Variants in SLC35F3 observed in about 807,000 individuals in gnomAD.
SLC35F3 encodes the protein solute carrier family 35 member F3.
Under a neutral mutation model 49.9 loss-of-function variants are expected in SLC35F3, and 25 were observed. That is an observed-to-expected ratio of 0.50 (90% confidence interval 0.37 to 0.70). The LOEUF (loss-of-function observed/expected upper bound fraction) is 0.70, where lower values mean the gene tolerates loss of function less well. Ranked by LOEUF, SLC35F3 falls within the 30% of genes least tolerant of loss-of-function variation. The pLI is 0.00. For missense variants in SLC35F3, 525 were observed against 639.8 expected, an observed-to-expected ratio of 0.82 and a Z score of 1.94; for synonymous variants, 275 against 265.4, an observed-to-expected ratio of 1.04 and a Z score of -0.35.
At chr1:234,017,506 G>C (rs1663820831) in intron 2 of SLC35F3, among the ~76,000 whole-genome samples, 1 of 151,866 alleles carries the variant, frequency 6.6e-6, no homozygotes, top group Non-Finnish European at 1.5e-5. Context: ...GAGGTCAGGA[G>C]ATCGAAACCA....
chr1:233,954,889 C>T (rs578218116), intron 2 of SLC35F3, among the ~76,000 whole-genome samples: 1 of 152,218 alleles, frequency 6.6e-6, no homozygotes, highest in Non-Finnish European at 1.5e-5. Context: ...TGTTGCCCAG[C>T]CTGGAGTGCA....
At chr1:234,316,559 C>T (rs763248092) in intron 4 of SLC35F3, 43 bp from the exon 5 acceptor site, 3 of 1,578,638 alleles carry the variant, frequency 1.9e-6, no homozygotes, top group Non-Finnish European at 2.6e-6. Context: ...CCCTCTGACT[C>T]CGTCCCGACT....
intron 2 of SLC35F3, among the ~76,000 whole-genome samples, chr1:234,077,847 C>A (rs1664819627): frequency 1.3e-5 from 2 of 151,856 alleles, no homozygotes; most frequent in African/African-American, 4.9e-5. Context: ...CAGTTGTGTG[C>A]CTCTTCTCTG....
chr1:233,955,924 C>G (rs1303189880), intron 2 of SLC35F3, among the ~76,000 whole-genome samples: 1 of 113,604 alleles, frequency 8.8e-6, no homozygotes, highest in Admixed American at 1.3e-4. Flanking sequence ...GTCTCGCTCT[C>G]TTGCCCAGGC....
intron 2 of SLC35F3, among the ~76,000 whole-genome samples, chr1:234,040,900 CAACCAG>C (rs1311796995): frequency 6.6e-6 from 1 of 152,206 alleles, no homozygotes; most frequent in Non-Finnish European, 1.5e-5. Flanking sequence ...GTTATTAATT[CAACCAG>C]ACTCTGCAGC....
intron 3 of SLC35F3, among the ~76,000 whole-genome samples, chr1:234,275,848 C>G (rs1668201621): frequency 6.6e-6 from 1 of 151,540 alleles, no homozygotes; most frequent in African/African-American, 2.4e-5. Context: ...GTGCCAGGTA[C>G]TATTCTAAGC....
chr1:234,083,890 T>A (rs1249739281), intron 2 of SLC35F3, among the ~76,000 whole-genome samples: 1 of 150,092 alleles, frequency 6.7e-6, no homozygotes, highest in Non-Finnish European at 1.5e-5. Flanking sequence ...CAGGCTGGAG[T>A]GCAATGGCGT....
intron 3 of SLC35F3, among the ~76,000 whole-genome samples, chr1:234,247,035 C>T (rs1667642885): frequency 6.6e-6 from 1 of 152,176 alleles, no homozygotes; most frequent in South Asian, 2.1e-4. Flanking sequence ...ACCCAGTTAC[C>T]AGTTCATGGG....
intron 3 of SLC35F3, among the ~76,000 whole-genome samples, chr1:234,308,289 A>T (rs1558106102): frequency 6.6e-6 from 1 of 152,204 alleles, no homozygotes; most frequent in Non-Finnish European, 1.5e-5. Context: ...CTGATCACAA[A>T]GATAATTCCA....
intron 2 of SLC35F3, among the ~76,000 whole-genome samples, chr1:234,002,253 T>G (rs1004657515): frequency 6.6e-6 from 1 of 152,214 alleles, no homozygotes; most frequent in African/African-American, 2.4e-5. Context: ...GGAACCAGTA[T>G]AGATGCACTA....
At chr1:234,193,937 C>CA (rs1363732636) in intron 2 of SLC35F3, among the ~76,000 whole-genome samples, 1 of 151,954 alleles carries the variant, frequency 6.6e-6, no homozygotes, top group African/African-American at 2.4e-5. Flanking sequence ...ATCATAAAAG[C>CA]AAAAAATAAT....
At chr1:234,159,231 C>A (rs1032615296) in intron 2 of SLC35F3, among the ~76,000 whole-genome samples, 4 of 152,114 alleles carry the variant, frequency 2.6e-5, no homozygotes, top group African/African-American at 7.2e-5. Flanking sequence ...AAGAAACTAA[C>A]CCTTGCCAAG....
intron 3 of SLC35F3, among the ~76,000 whole-genome samples, chr1:234,304,942 A>T (rs1657110908): frequency 6.6e-6 from 1 of 152,212 alleles, no homozygotes; most frequent in Admixed American, 6.5e-5. Context: ...TAAAAGAAGC[A>T]CCAGAAAAAC....
chr1:234,029,811 G>A (rs1432920024), intron 2 of SLC35F3, among the ~76,000 whole-genome samples: 5 of 152,008 alleles, frequency 3.3e-5, no homozygotes, highest in Non-Finnish European at 4.4e-5. Context: ...GCTGTGAGCC[G>A]TGATCATGCC....
At chr1:234,279,794 T>G (rs554795798) in intron 3 of SLC35F3, among the ~76,000 whole-genome samples, 2 of 152,170 alleles carry the variant, frequency 1.3e-5, no homozygotes, top group African/African-American at 4.8e-5. Context: ...AAACTAAAAA[T>G]GCTAATTTGT....
rs772117018 is a variant in SLC35F3 at position 234,323,275 on chromosome 1, T to C, written c.*32T>C. ...TCCTCTAGAACTCGGTGGTAATGAC[T>C]GGGAGGTCTATTCCTGCCGGGAGGA... On this transcript the variant is annotated 3_prime_UTR_variant, in exon 8 of 8. Transcript: ENST00000366618. This position sits in a 1 kb window ranked among gnomAD's most constrained non-coding sequence, Gnocchi z 4.5. 3 of 1,587,554 alleles carry C rather than the reference T, an allele frequency of 1.9e-6. No homozygotes were observed. Among genetic ancestry groups the C allele is most frequent in the Admixed American group, 1.8e-5 (1 of 56,638 alleles).
chr1:234,108,225 TATATATATTTATATATATAA>T (rs1665315165), intron 2 of SLC35F3, among the ~76,000 whole-genome samples: 12 of 124,636 alleles, frequency 9.6e-5, no homozygotes, highest in African/African-American at 1.9e-4. Flanking sequence ...ATATAAAAGA[TATATATATTTATATATATAA>T]AAGATATATA....
intron 2 of SLC35F3, among the ~76,000 whole-genome samples, chr1:233,924,468 T>A (rs12240264): frequency 0.29 from 43,508 of 152,186 alleles, 7,446 homozygotes; most frequent in Admixed American, 0.49. Flanking sequence ...GTAGTTTGTA[T>A]TTCTGTGGGA....
At chr1:234,085,912 A>T (rs144736684) in intron 2 of SLC35F3, among the ~76,000 whole-genome samples, 86 of 152,346 alleles carry the variant, frequency 5.6e-4, no homozygotes, top group African/African-American at 2.0e-3. Flanking sequence ...ACCTGGCAAT[A>T]GTTGATATTA....
Sources: allele counts gnomAD v4.1 joint callset (sites outside exome capture counted in the v4.1 genomes callset), GRCh38; gene constraint gnomAD v4.1.1; non-coding constraint Gnocchi (gnomAD v3.1); transcripts MANE v1.5; gene names NCBI Gene and HGNC (gene_info 2026-07-23, HGNC 2026-07-21).